The following RGS7 variants were observed in gnomAD, a reference collection of about 807,000 sequenced individuals.
RGS7 encodes the protein regulator of G protein signaling 7, also known as regulator of G-protein signaling 7.
In RGS7, 27 loss-of-function variants were observed where a neutral mutation model predicts 81.1. That is an observed-to-expected ratio of 0.33 (90% confidence interval 0.25 to 0.46). The LOEUF (loss-of-function observed/expected upper bound fraction) is 0.46, where lower values mean the gene tolerates loss of function less well. Among genes scored for constraint, RGS7 ranks in the 20% least tolerant of loss-of-function variants. RGS7 has a pLI of 1.00. For missense variants in RGS7, 396 were observed against 607.4 expected (o/e 0.65, Z 3.66); for synonymous variants, 208 against 207.7 (o/e 1.00, Z -0.01).
At chr1:241,294,008 C>T (rs183433858) in intron 2 of RGS7, among the ~76,000 whole-genome samples, 150 of 152,306 alleles carry the variant, frequency 9.8e-4, no homozygotes, top group African/African-American at 3.4e-3. Context: ...TATTGCAGCA[C>T]TATTTACCAT....
chr1:240,995,783 G>T (rs570653070), intron 3 of RGS7, among the ~76,000 whole-genome samples: 1 of 150,324 alleles, frequency 6.7e-6, no homozygotes, highest in African/African-American at 2.4e-5. Context: ...TGTTTCATTG[G>T]TTTTTAAATT....
At chr1:240,982,771 G>C in intron 4 of RGS7, among the ~76,000 whole-genome samples, 1 of 152,122 alleles carries the variant, frequency 6.6e-6, no homozygotes, top group East Asian at 1.9e-4. Context: ...ATAATCACTT[G>C]CCATAAATTA....
In RGS7 at chr1:241,353,854, A is replaced by G. The variant is rs574412657; in HGVS notation, c.78+1845T>C. On this transcript the variant is annotated intron_variant, in intron 2 of 18. Coordinates refer to ENST00000440928, the MANE Select transcript of RGS7 (RefSeq NM_001364886.1). The stretch of plus-strand genomic sequence containing the variant: ...GTGTAGAGTAAACCCAAAATTACCA[A>G]TATGAGGCTCAGGTACACTAAACAG... 5.3e-5 allele frequency among the ~76,000 whole-genome samples: 8 copies of G among 152,260 alleles called. No individual in the cohort carries two copies. In the South Asian group the frequency reaches 1.5e-3, roughly 28 times the overall value.
chr1:241,046,971 C>A (rs2060962242), intron 3 of RGS7, among the ~76,000 whole-genome samples: 1 of 152,088 alleles, frequency 6.6e-6, no homozygotes, highest in South Asian at 2.1e-4. Flanking sequence ...GCCAGTGGAC[C>A]TCCTCCAAAG....
At chr1:241,038,803 C>A (rs2060458564) in intron 3 of RGS7, among the ~76,000 whole-genome samples, 1 of 151,958 alleles carries the variant, frequency 6.6e-6, no homozygotes, top group Non-Finnish European at 1.5e-5. Context: ...ACAGCGAGAA[C>A]CTGTTTCTAC....
chr1:241,094,709 T>C (rs1357708791), intron 3 of RGS7, among the ~76,000 whole-genome samples: 2 of 152,146 alleles, frequency 1.3e-5, no homozygotes, highest in African/African-American at 4.8e-5. Context: ...AACCCTATTA[T>C]TAGGTAGATT....
At chr1:241,326,625 C>T (rs969299894) in intron 2 of RGS7, among the ~76,000 whole-genome samples, 3 of 121,358 alleles carry the variant, frequency 2.5e-5, no homozygotes, top group African/African-American at 9.3e-5. Flanking sequence ...TAGTAAATTT[C>T]AGAGAATCAA....
rs76165609 is a variant in RGS7, at chr1:240,974,110, G to A, written c.226+8969C>T. The stretch of plus-strand genomic sequence containing the variant: ...CACAATGGATTGATTTAATTCATTC[G>A]GTGATAATTAAGTTACTTGATCCAG... On this transcript the variant is annotated intron_variant, in intron 4 of 18. Transcript: ENST00000440928. Among the ~76,000 whole-genome samples, 1,478 of 152,244 alleles carry A rather than the reference G, an allele frequency of 9.7e-3. 26 individuals carry two copies. Among genetic ancestry groups the A allele is most frequent in the African/African-American group, 0.034 (1,426 of 41,522 alleles).
At chr1:241,254,282 A>G (rs942991972) in intron 2 of RGS7, among the ~76,000 whole-genome samples, 1 of 152,150 alleles carries the variant, frequency 6.6e-6, no homozygotes, top group African/African-American at 2.4e-5. Context: ...AGTAGTTTGA[A>G]GATGTGGCAA....
At chr1:241,307,794 C>A (rs374475767) in intron 2 of RGS7, among the ~76,000 whole-genome samples, 36 of 149,522 alleles carry the variant, frequency 2.4e-4, no homozygotes, top group Non-Finnish European at 3.5e-4. Flanking sequence ...GAATGAATGA[C>A]TGAATGAATG....
intron 6 of RGS7, chr1:240,919,716 G>A: frequency 1.6e-6 from 1 of 614,418 alleles, no homozygotes; most frequent in Non-Finnish European, 3.0e-6. Context: ...GGAGGGCTGA[G>A]CTTTGAAACA....
intron 6 of RGS7, among the ~76,000 whole-genome samples, chr1:240,910,373 G>A (rs1480007733): frequency 2.6e-5 from 4 of 152,176 alleles, no homozygotes; most frequent in African/African-American, 7.2e-5. Flanking sequence ...TTCATATGTG[G>A]AAGCTAAAAA....
chr1:240,779,524 G>T (rs1430578526), intron 18 of RGS7, among the ~76,000 whole-genome samples: 1 of 152,142 alleles, frequency 6.6e-6, no homozygotes. Context: ...ACAGTAGGAA[G>T]ATGGCTGTCT....
chr1:240,990,011 G>C (rs1686232771), intron 3 of RGS7, among the ~76,000 whole-genome samples: 1 of 152,130 alleles, frequency 6.6e-6, no homozygotes, highest in South Asian at 2.1e-4. Context: ...CAGCTCCTGG[G>C]TTAAAATCTC....
chr1:241,111,465 C>T (rs867085901), intron 2 of RGS7, among the ~76,000 whole-genome samples: 27 of 152,094 alleles, frequency 1.8e-4, no homozygotes, highest in Admixed American at 5.9e-4. Context: ...AATTGTCTGC[C>T]CCGCTTGATA....
At chr1:241,137,864 A>G (rs1260172826) in intron 2 of RGS7, among the ~76,000 whole-genome samples, 1 of 152,210 alleles carries the variant, frequency 6.6e-6, no homozygotes, top group Non-Finnish European at 1.5e-5. Context: ...TCATATGAAT[A>G]AACACAAAGA....
chr1:241,117,190 G>GA (rs1315820936), intron 2 of RGS7, among the ~76,000 whole-genome samples: 1 of 152,106 alleles, frequency 6.6e-6, no homozygotes, highest in African/African-American at 2.4e-5. Context: ...GAAATTTGAG[G>GA]AAAAGACATA....
intron 2 of RGS7, among the ~76,000 whole-genome samples, chr1:241,150,523 T>A (rs2068670821): frequency 6.6e-6 from 1 of 152,168 alleles, no homozygotes; most frequent in Non-Finnish European, 1.5e-5. Flanking sequence ...GAAATTAAAA[T>A]AAGGCTTATT....
intron 4 of RGS7, among the ~76,000 whole-genome samples, chr1:240,976,025 C>T (rs371101968): frequency 6.6e-6 from 1 of 152,160 alleles, no homozygotes; most frequent in Admixed American, 6.5e-5. Flanking sequence ...TGCTTGTAAC[C>T]CTGAGAATAC....
Sources: gnomAD v4.1 joint callset for allele counts (sites outside exome capture counted in the v4.1 genomes callset) on GRCh38, gnomAD v4.1.1 for gene constraint, MANE v1.5 for transcripts, NCBI Gene and HGNC (gene_info 2026-07-23, HGNC 2026-07-21) for gene names.